The following BCAS4 variants were observed in gnomAD, a reference collection of about 807,000 sequenced individuals.
BCAS4 encodes breast carcinoma-amplified sequence 4.
BCAS4 carries 9 observed loss-of-function variants against 15.7 expected under a neutral mutation model. The ratio of observed to expected loss-of-function variants is 0.57; its 90% CI spans 0.34 to 1.00. BCAS4 has a LOEUF of 1.00. Ranked by LOEUF, BCAS4 falls within the 50% of genes least tolerant of loss-of-function variation. BCAS4 has a pLI of 0.02. For missense variants in BCAS4, 225 were observed against 239.1 expected, an observed-to-expected ratio of 0.94 and a Z score of 0.39; for synonymous variants, 101 against 99.5, an observed-to-expected ratio of 1.02 and a Z score of -0.09.
intron 2 of BCAS4, among the ~76,000 whole-genome samples, chr20:50,822,097 C>T (rs143372141): frequency 2.0e-5 from 3 of 152,278 alleles, no homozygotes; most frequent in East Asian, 3.9e-4. Context: ...GAAGCTGGCT[C>T]CTTCATCACT....
In BCAS4 at chr20:50,839,610, C is replaced by T. The variant is rs147309137; in HGVS notation, c.265-2156C>T. ...CTCTGCCTCCCGGGTTCAAGTAATT[C>T]TCGTACCTTAGTCTCCCGAGTAGCT... On this transcript the variant is annotated intron_variant, in intron 3 of 4. Coordinates refer to ENST00000371608, the MANE Select transcript of BCAS4 (RefSeq NM_198799.4). 5.7e-3 allele frequency among the ~76,000 whole-genome samples: 867 copies of T among 152,274 alleles called. 4 individuals are homozygous for T. Among genetic ancestry groups the T allele is most frequent in the Middle Eastern group, 0.017 (5 of 294 alleles).
chr20:50,853,987 G>A (rs929189265), intron 4 of BCAS4, among the ~76,000 whole-genome samples: 1 of 152,154 alleles, frequency 6.6e-6, no homozygotes, highest in Non-Finnish European at 1.5e-5. Flanking sequence ...GTCCCCGGGG[G>A]CAAAATTGCC....
chr20:50,869,974 C>T (rs1203326378), intron 4 of BCAS4, among the ~76,000 whole-genome samples: 1 of 152,114 alleles, frequency 6.6e-6, no homozygotes, highest in Admixed American at 6.6e-5. Flanking sequence ...GTCTCGAACT[C>T]CTGACCTCAG....
chr20:50,830,537 C>CA (rs1412716000), intron 3 of BCAS4, among the ~76,000 whole-genome samples, 157 bp downstream of exon 3: 1 of 152,008 alleles, frequency 6.6e-6, no homozygotes, highest in Non-Finnish European at 1.5e-5. Context: ...AGTGATATTT[C>CA]AAAAAAATCA....
At chr20:50,875,007 G>A (rs79457902) in intron 4 of BCAS4, among the ~76,000 whole-genome samples, 4,353 of 152,170 alleles carry the variant, frequency 0.029, 202 homozygotes, top group African/African-American at 0.095. Flanking sequence ...CATCTCCACC[G>A]GCTCCAACCA....
chr20:50,824,525 G>A (rs2088253816), intron 2 of BCAS4, among the ~76,000 whole-genome samples: 1 of 152,212 alleles, frequency 6.6e-6, no homozygotes, highest in Non-Finnish European at 1.5e-5. Flanking sequence ...AGAGCATGGA[G>A]GCTTTTTCAC....
intron 3 of BCAS4, among the ~76,000 whole-genome samples, chr20:50,834,872 G>T (rs6512675): frequency 0.18 from 26,799 of 152,102 alleles, 3,569 homozygotes; most frequent in African/African-American, 0.38. Flanking sequence ...CTATGTTGTA[G>T]CATGTGCCAA....
chr20:50,847,276 G>A (rs1169816164), intron 4 of BCAS4, among the ~76,000 whole-genome samples: 1 of 151,750 alleles, frequency 6.6e-6, no homozygotes, highest in East Asian at 2.0e-4. Context: ...TAGTAGAGAC[G>A]GAGTTTCGAC....
chr20:50,840,427 C>T (rs2088462890), intron 3 of BCAS4: 2 of 726,026 alleles, frequency 2.8e-6, no homozygotes, highest in South Asian at 1.5e-5. Flanking sequence ...CCCTGCCAGC[C>T]AGATAGACAG....
At chr20:50,833,609 G>A (rs190828484) in intron 3 of BCAS4, among the ~76,000 whole-genome samples, 1 of 152,356 alleles carries the variant, frequency 6.6e-6, no homozygotes, top group Admixed American at 6.5e-5. Context: ...GAGCTGCATA[G>A]CCTGGGTTCA....
intron 4 of BCAS4, among the ~76,000 whole-genome samples, chr20:50,845,236 G>A (rs2123813033): frequency 6.6e-6 from 1 of 152,194 alleles, no homozygotes; most frequent in East Asian, 1.9e-4. Context: ...CAGAGCTGGT[G>A]CCCTGCACCC....
chr20:50,868,247 C>T (rs916824082), intron 4 of BCAS4, among the ~76,000 whole-genome samples: 2 of 152,182 alleles, frequency 1.3e-5, no homozygotes, highest in Non-Finnish European at 2.9e-5. Flanking sequence ...AGTTTCTTTC[C>T]CCACTTTCCA....
At chr20:50,861,638 G>A (rs1979073464) in intron 4 of BCAS4, among the ~76,000 whole-genome samples, 1 of 152,104 alleles carries the variant, frequency 6.6e-6, no homozygotes, top group African/African-American at 2.4e-5. Context: ...CCTTGCTTGG[G>A]CGCAGAGAGT....
At chr20:50,863,500 C>T (rs1282215974) in intron 4 of BCAS4, among the ~76,000 whole-genome samples, 8 of 152,062 alleles carry the variant, frequency 5.3e-5, no homozygotes, top group East Asian at 1.9e-4. Flanking sequence ...TCAAGCGATA[C>T]GCCTGTCTCG....
chr20:50,808,168 TC>T (rs1327926673), intron 1 of BCAS4, among the ~76,000 whole-genome samples: 1 of 152,202 alleles, frequency 6.6e-6, no homozygotes, highest in Non-Finnish European at 1.5e-5. Context: ...CGCCTTGGCC[TC>T]CCAAAGTGCT....
intron 4 of BCAS4, among the ~76,000 whole-genome samples, chr20:50,853,459 G>A (rs1456515061): frequency 2.0e-5 from 3 of 151,944 alleles, no homozygotes; most frequent in African/African-American, 7.3e-5. Context: ...CTTTCTAATC[G>A]GAATGTCACC....
Position 50,819,832 on chromosome 20 carries a change from G to A in BCAS4, c.162+1550G>A, listed in dbSNP as rs746014423. ...TTTCTGTCTTTCCGTCTTTCCCTCCGTCCCTCCCTTCCTTCCTTCCTTTCT... is the reference window on the plus strand; with the variant it reads ...TTTCTGTCTTTCCGTCTTTCCCTCCATCCCTCCCTTCCTTCCTTCCTTTCT... On this transcript the variant is annotated intron_variant, in intron 2 of 4. Coordinates refer to ENST00000371608, the MANE Select transcript of BCAS4 (RefSeq NM_198799.4). Among the ~76,000 whole-genome samples the A allele has an allele frequency of 4.6e-5, 7 of 150,664 alleles. No individual in the cohort carries two copies. The East Asian group carries it at 5.8e-4, about 13-fold the overall frequency.
chr20:50,872,269 A>AGG (rs1217516239), intron 4 of BCAS4, among the ~76,000 whole-genome samples: 5 of 126,192 alleles, frequency 4.0e-5, no homozygotes, highest in African/African-American at 1.5e-4. Flanking sequence ...GTCTCAAAAA[A>AGG]AAAAAAAAAA....
At chr20:50,865,424 G>A (rs1034411795) in intron 4 of BCAS4, among the ~76,000 whole-genome samples, 1 of 152,198 alleles carries the variant, frequency 6.6e-6, no homozygotes, top group African/African-American at 2.4e-5. Flanking sequence ...CTGTCCCTGT[G>A]TGTGAGCTTG....
Sources: gnomAD v4.1 joint callset for allele counts (sites outside exome capture counted in the v4.1 genomes callset) on GRCh38, gnomAD v4.1.1 for gene constraint, MANE v1.5 for transcripts, NCBI Gene and HGNC (gene_info 2026-07-23, HGNC 2026-07-21) for gene names.